Variants in NAV3 observed in about 807,000 individuals in gnomAD.
NAV3 encodes neuron navigator 3, also known as pore membrane and/or filament interacting like protein 1.
Under a neutral mutation model 244.7 loss-of-function variants are expected in NAV3, and 87 were observed. That is an observed-to-expected ratio of 0.36 (90% CI 0.30 to 0.42). NAV3 has a LOEUF of 0.42. Ranked by LOEUF, NAV3 falls within the 20% of genes least tolerant of loss-of-function variation. The pLI is 1.00. For missense variants in NAV3, 2,663 were observed against 2,893.3 expected (o/e 0.92, Z 1.83); for synonymous variants, 1,126 against 1,042.2 (o/e 1.08, Z -1.55).
At chr12:77,616,504 A>T (rs1243313784) in intron 2 of NAV3, among the ~76,000 whole-genome samples, 1 of 152,142 alleles carries the variant, frequency 6.6e-6, no homozygotes, top group East Asian at 1.9e-4. Flanking sequence ...AATGTGGTAC[A>T]ATCACCAACA....
At chr12:77,771,463 ATG>A (rs1389615681) in intron 2 of NAV3, among the ~76,000 whole-genome samples, 3 of 152,200 alleles carry the variant, frequency 2.0e-5, no homozygotes, top group African/African-American at 7.2e-5. Flanking sequence ...ACACATGCAC[ATG>A]CATGTTTATT....
At chr12:77,870,477 A>C (rs557731865) in intron 1 of NAV3, among the ~76,000 whole-genome samples, 7 of 152,168 alleles carry the variant, frequency 4.6e-5, no homozygotes, top group Non-Finnish European at 1.0e-4. Flanking sequence ...ATCCAGAATA[A>C]AGCCTAGAAA....
rs573917363 is a variant in NAV3 at position 77,966,160 on chromosome 12, C to T, written c.415-69C>T. The T allele has an allele frequency of 1.2e-5, 15 of 1,273,918 alleles. No individual in the cohort carries two copies. In the South Asian group the frequency reaches 1.7e-4, roughly 14 times the overall value. 78.9% of individuals were successfully genotyped at this position (1,273,918 alleles called of 1,614,324 possible). ...CATTCTTTATCGTTCTTTCTGGTTT[C>T]ATTTTGGCACATGTATTTGTTAAAA... On this transcript the variant is annotated intron_variant, in intron 3 of 39. Coordinates refer to ENST00000397909, the MANE Select transcript of NAV3 (RefSeq NM_001024383.2).
rs116317853 is a variant in NAV3 at position 78,019,411 on chromosome 12, C to G, written c.1908-2336C>G. Among the ~76,000 whole-genome samples, 573 of 152,180 alleles carry G rather than the reference C, an allele frequency of 3.8e-3. 8 individuals carry two copies. Among genetic ancestry groups the G allele is most frequent in the African/African-American group, 0.013 (550 of 41,530 alleles). On this transcript the variant is annotated intron_variant, in intron 8 of 39. Coordinates refer to ENST00000397909, the MANE Select transcript of NAV3 (RefSeq NM_001024383.2). ...GACACTGGGGATACAATGGTGAGTT[C>G]AAACATGGAGAATAGCGTCTAGTCT...
intron 2 of NAV3, among the ~76,000 whole-genome samples, chr12:77,774,407 C>A (rs1870247644): frequency 6.6e-6 from 1 of 151,792 alleles, no homozygotes; most frequent in South Asian, 2.1e-4. Context: ...CAGCAATATA[C>A]AATAGCTACA....
intron 38 of NAV3, among the ~76,000 whole-genome samples, chr12:78,201,951 G>C (rs557322947): frequency 5.9e-5 from 9 of 151,888 alleles, no homozygotes; most frequent in African/African-American, 1.7e-4. Context: ...TAAAATGATA[G>C]TTCTGGTGAA....
At chr12:78,190,531 G>A (rs1164072932) in intron 34 of NAV3, among the ~76,000 whole-genome samples, 1 of 151,994 alleles carries the variant, frequency 6.6e-6, no homozygotes, top group Non-Finnish European at 1.5e-5. Context: ...AAAGAGGTCC[G>A]TGCACAAGCA....
intron 2 of NAV3, among the ~76,000 whole-genome samples, chr12:77,586,452 A>T (rs1386976496): frequency 6.6e-6 from 1 of 152,166 alleles, no homozygotes. Context: ...TGGGCTTTTC[A>T]TATACTTGTT....
chr12:77,584,955 C>T (rs1047943605), intron 2 of NAV3, among the ~76,000 whole-genome samples: 3 of 152,134 alleles, frequency 2.0e-5, no homozygotes, highest in African/African-American at 4.8e-5. Flanking sequence ...GTATCTAATT[C>T]TTGAGTGGCA....
intron 1 of NAV3, among the ~76,000 whole-genome samples, chr12:77,899,487 G>A (rs1885007192): frequency 1.3e-5 from 2 of 152,216 alleles, no homozygotes; most frequent in African/African-American, 2.4e-5. Flanking sequence ...AGCCTCAGAT[G>A]ATTGTTAGCA....
intron 11 of NAV3, among the ~76,000 whole-genome samples, chr12:78,053,233 A>AAT (rs1449607713): frequency 4.0e-4 from 60 of 150,052 alleles, no homozygotes; most frequent in African/African-American, 1.3e-3. Flanking sequence ...ATATATATAT[A>AAT]ATATATATAT....
At chr12:77,772,744 C>T (rs932828478) in intron 2 of NAV3, among the ~76,000 whole-genome samples, 1 of 152,202 alleles carries the variant, frequency 6.6e-6, no homozygotes, top group Non-Finnish European at 1.5e-5. Context: ...ATGGCTCGAG[C>T]AGTTGGAATC....
chr12:77,625,917 G>A (rs1208281695), intron 2 of NAV3, among the ~76,000 whole-genome samples: 1 of 151,654 alleles, frequency 6.6e-6, no homozygotes, highest in Non-Finnish European at 1.5e-5. Context: ...ACCTCAAAAG[G>A]AACACAATGA....
chr12:77,667,937 A>G (rs1316649537), intron 2 of NAV3, among the ~76,000 whole-genome samples: 2 of 152,174 alleles, frequency 1.3e-5, no homozygotes, highest in Non-Finnish European at 2.9e-5. Flanking sequence ...GCTGGTATCC[A>G]TGGCTGAAAG....
chr12:77,879,603 G>A (rs1882343582), intron 1 of NAV3, among the ~76,000 whole-genome samples: 1 of 150,440 alleles, frequency 6.6e-6, no homozygotes, highest in Non-Finnish European at 1.5e-5. Context: ...TGAACCTGGG[G>A]CGGGGAGGTG....
chr12:77,574,089 C>A (rs546001776), intron 2 of NAV3, among the ~76,000 whole-genome samples: 1 of 152,076 alleles, frequency 6.6e-6, no homozygotes, highest in Non-Finnish European at 1.5e-5. Flanking sequence ...AAAATACTAC[C>A]TTGGTGATGT....
At chr12:77,989,538 G>A (rs928451650) in intron 5 of NAV3, among the ~76,000 whole-genome samples, 2 of 152,138 alleles carry the variant, frequency 1.3e-5, no homozygotes, top group Admixed American at 6.5e-5. Flanking sequence ...ACATCTGAGA[G>A]TGGTAGACAC....
chr12:77,769,860 T>C (rs1171094198), intron 2 of NAV3, among the ~76,000 whole-genome samples: 1 of 152,198 alleles, frequency 6.6e-6, no homozygotes, highest in East Asian at 1.9e-4. Flanking sequence ...TTCATCACTT[T>C]CTATTATGAG....
At chr12:78,196,579 A>G (rs1437726803) in intron 34 of NAV3, among the ~76,000 whole-genome samples, 1 of 152,062 alleles carries the variant, frequency 6.6e-6, no homozygotes, top group Non-Finnish European at 1.5e-5. Flanking sequence ...CAAACTGGTT[A>G]TCATATTTAG....
Sources: allele counts gnomAD v4.1 joint callset (sites outside exome capture counted in the v4.1 genomes callset), GRCh38; gene constraint gnomAD v4.1.1; transcripts MANE v1.5; gene names NCBI Gene and HGNC (gene_info 2026-07-23, HGNC 2026-07-21).